DPP10: variants seen among roughly 807,000 people sequenced by gnomAD.
DPP10 encodes inactive dipeptidyl peptidase 10.
In DPP10, 33 loss-of-function variants were observed where a neutral mutation model predicts 120.9. The ratio of observed to expected loss-of-function variants is 0.27; its 90% confidence interval spans 0.21 to 0.37. The LOEUF (loss-of-function observed/expected upper bound fraction) is 0.37. Among genes scored for constraint, DPP10 ranks in the 10% least tolerant of loss-of-function variants. The pLI, the probability that DPP10 is intolerant of heterozygous loss-of-function variation, is 1.00. For missense variants in DPP10, 816 were observed against 942.8 expected (o/e 0.87, Z 1.76); for synonymous variants, 337 against 326.1 (o/e 1.03, Z -0.36).
At chr2:115,137,557 G>A (rs2050711674) in intron 1 of DPP10, among the ~76,000 whole-genome samples, 1 of 152,222 alleles carries the variant, frequency 6.6e-6, no homozygotes, top group Non-Finnish European at 1.5e-5. Flanking sequence ...CACTTAGGCT[G>A]GATACCTAGG....
chr2:114,570,836 TAAAAAAAAA>T (rs58796386), intron 1 of DPP10, among the ~76,000 whole-genome samples: 2 of 57,824 alleles, frequency 3.5e-5, no homozygotes, highest in East Asian at 4.5e-4. Context: ...CTGTCTCAAA[TAAAAAAAAA>T]AAAAAAAAAA....
chr2:115,057,081 A>G (rs1387294732), intron 1 of DPP10, among the ~76,000 whole-genome samples: 2 of 152,168 alleles, frequency 1.3e-5, no homozygotes, highest in East Asian at 3.8e-4. Context: ...AAAATTCTGT[A>G]TCTTTAATTT....
intron 2 of DPP10, among the ~76,000 whole-genome samples, chr2:115,322,808 TTTA>T (rs1395435043): frequency 1.3e-5 from 2 of 152,200 alleles, no homozygotes; most frequent in African/African-American, 4.8e-5. Context: ...GTATTTGTAG[TTTA>T]TTAAGTGTGC....
intron 1 of DPP10, among the ~76,000 whole-genome samples, chr2:115,089,230 T>C (rs1408569842): frequency 6.6e-6 from 1 of 152,242 alleles, no homozygotes; most frequent in Non-Finnish European, 1.5e-5. Flanking sequence ...TGATCATTTC[T>C]TTCTAATATT....
At chr2:115,494,453 C>G (rs1189465388) in intron 3 of DPP10, among the ~76,000 whole-genome samples, 1 of 152,056 alleles carries the variant, frequency 6.6e-6, no homozygotes, top group African/African-American at 2.4e-5. Context: ...TCAGTTTCTT[C>G]AGTTAAATAT....
intron 4 of DPP10, among the ~76,000 whole-genome samples, chr2:115,503,550 G>A (rs1196288319): frequency 6.6e-6 from 1 of 152,118 alleles, no homozygotes; most frequent in Non-Finnish European, 1.5e-5. Context: ...AAGATTATCA[G>A]AAAATTCGAT....
chr2:114,911,117 T>C (rs566433530), intron 1 of DPP10, among the ~76,000 whole-genome samples: 1 of 152,222 alleles, frequency 6.6e-6, no homozygotes, highest in Non-Finnish European at 1.5e-5. Flanking sequence ...ATATGTGAAA[T>C]CAATACACTT....
intron 1 of DPP10, among the ~76,000 whole-genome samples, chr2:114,836,347 G>A (rs1415360743): frequency 6.6e-6 from 1 of 152,132 alleles, no homozygotes; most frequent in African/African-American, 2.4e-5. Context: ...GCATTGGCCA[G>A]TTTGGGAAAT....
At chr2:115,172,228 A>G (rs1224360721) in intron 1 of DPP10, among the ~76,000 whole-genome samples, 3 of 152,100 alleles carry the variant, frequency 2.0e-5, no homozygotes, top group Non-Finnish European at 2.9e-5. Flanking sequence ...TTGGTAAGAA[A>G]GGCTTCTCCC....
At chr2:115,292,474 A>G (rs2060700036) in intron 1 of DPP10, among the ~76,000 whole-genome samples, 1 of 152,134 alleles carries the variant, frequency 6.6e-6, no homozygotes, top group Admixed American at 6.5e-5. Context: ...ATGTCTCCAT[A>G]CTGAATCAAT....
At chr2:115,127,201 G>C (rs1017652511) in intron 1 of DPP10, among the ~76,000 whole-genome samples, 1 of 152,174 alleles carries the variant, frequency 6.6e-6, no homozygotes, top group Admixed American at 6.5e-5. Context: ...GTAAGAACTA[G>C]AGAAAAACTG....
chr2:115,098,238 G>A (rs890292928), intron 1 of DPP10, among the ~76,000 whole-genome samples: 1 of 152,108 alleles, frequency 6.6e-6, no homozygotes, highest in Admixed American at 6.6e-5. Flanking sequence ...CCCAGAAGTT[G>A]GGGGAGTAAC....
chr2:114,685,380 C>T (rs1240641962), intron 1 of DPP10, among the ~76,000 whole-genome samples: 2 of 151,960 alleles, frequency 1.3e-5, no homozygotes, highest in African/African-American at 2.4e-5. Flanking sequence ...CTCTAAATTC[C>T]TGTCTCAGTT....
At chr2:115,397,901 C>T (rs1233667274) in intron 3 of DPP10, among the ~76,000 whole-genome samples, 1 of 152,170 alleles carries the variant, frequency 6.6e-6, no homozygotes, top group Non-Finnish European at 1.5e-5. Flanking sequence ...TTGTCTCTGT[C>T]CACATAACCT....
At chr2:115,487,345 C>G (rs1428434539) in intron 3 of DPP10, among the ~76,000 whole-genome samples, 1 of 110,322 alleles carries the variant, frequency 9.1e-6, no homozygotes, top group Non-Finnish European at 1.8e-5. Flanking sequence ...ATCAAGCTAC[C>G]AATGCCTTTC....
intron 5 of DPP10, among the ~76,000 whole-genome samples, chr2:115,539,430 A>C (rs2079052611): frequency 1.3e-5 from 2 of 151,996 alleles, no homozygotes; most frequent in East Asian, 3.9e-4. Context: ...TGTTGAAGTC[A>C]GTGAGCCTTT....
chr2:115,438,524 A>C (rs1209411395), intron 3 of DPP10, among the ~76,000 whole-genome samples: 1 of 152,182 alleles, frequency 6.6e-6, no homozygotes, highest in African/African-American at 2.4e-5. Context: ...TAGAAAAACA[A>C]AATGTGGTAT....
At chr2:115,777,065 C>T (rs1372240002) in intron 13 of DPP10, 143 bp from the exon 14 acceptor site, 1 of 664,516 alleles carries the variant, frequency 1.5e-6, no homozygotes, top group African/African-American at 1.8e-5. Flanking sequence ...AATGCATGTT[C>T]ATTCTTGAGC....
intron 1 of DPP10, among the ~76,000 whole-genome samples, chr2:114,973,002 G>A (rs1466246692): frequency 3.9e-5 from 6 of 152,098 alleles, no homozygotes. Context: ...ATTGCATTTT[G>A]TAATTTTGTT....
Sources: gnomAD v4.1 joint callset for allele counts (sites outside exome capture counted in the v4.1 genomes callset) on GRCh38, gnomAD v4.1.1 for gene constraint, MANE v1.5 for transcripts, NCBI Gene and HGNC (gene_info 2026-07-23, HGNC 2026-07-21) for gene names.